The following RBM19 variants were observed in gnomAD, a reference collection of about 807,000 sequenced individuals.
RBM19 encodes the protein probable RNA-binding protein 19.
A neutral mutation model predicts 116.8 loss-of-function variants in RBM19; 94 were observed. That is an observed-to-expected ratio of 0.80 (90% CI 0.68 to 0.95). The LOEUF (loss-of-function observed/expected upper bound fraction) is 0.95, where lower values mean the gene tolerates loss of function less well. Ranked by LOEUF, RBM19 falls within the 40% of genes least tolerant of loss-of-function variation. The pLI is 0.00. For missense variants in RBM19, 1,161 were observed against 1,220.7 expected (o/e 0.95, Z 0.73); for synonymous variants, 475 against 494.1 (o/e 0.96, Z 0.51).
intron 21 of RBM19, among the ~76,000 whole-genome samples, chr12:113,899,587 C>T (rs978295662): frequency 3.3e-5 from 5 of 152,164 alleles, no homozygotes; most frequent in Non-Finnish European, 4.4e-5. Flanking sequence ...CGGTTCCTTC[C>T]CTTTCTGGAG....
intron 14 of RBM19, 100 bp from the exon 15 acceptor site, chr12:113,940,260 T>C: frequency 7.9e-7 from 1 of 1,263,272 alleles, no homozygotes; most frequent in Non-Finnish European, 1.1e-6. Flanking sequence ...AGGCTCTCCA[T>C]TTGGAACCTC....
At chr12:113,893,564 A>G (rs1378423939) in intron 21 of RBM19, among the ~76,000 whole-genome samples, 7 of 152,194 alleles carry the variant, frequency 4.6e-5, no homozygotes, top group Admixed American at 3.9e-4. Context: ...ACTGCTGAAC[A>G]CTGGTAGTGT....
At chr12:113,859,872 G>A (rs1425978360) in intron 21 of RBM19, among the ~76,000 whole-genome samples, 1 of 152,162 alleles carries the variant, frequency 6.6e-6, no homozygotes, top group East Asian at 1.9e-4. Context: ...GATGGTCTAG[G>A]ATGCTTCGGG....
intron 21 of RBM19, among the ~76,000 whole-genome samples, chr12:113,888,624 G>A (rs140620930): frequency 6.6e-6 from 1 of 152,200 alleles, no homozygotes; most frequent in African/African-American, 2.4e-5. Flanking sequence ...CAACAGATGA[G>A]GAAACTGAGG....
At chr12:113,836,806 C>T (rs1339798469) in intron 23 of RBM19, among the ~76,000 whole-genome samples, 1 of 149,204 alleles carries the variant, frequency 6.7e-6, no homozygotes. Context: ...CATACCTGTC[C>T]TCCTACTTAC....
chr12:113,900,591 G>A (rs925268237), intron 21 of RBM19, among the ~76,000 whole-genome samples: 3 of 152,156 alleles, frequency 2.0e-5, no homozygotes, highest in Non-Finnish European at 4.4e-5. Context: ...CAGGGCCCAG[G>A]CCAGAATTCA....
chr12:113,918,570 G>T, intron 19 of RBM19, 123 bp from the exon 20 acceptor site: 1 of 974,354 alleles, frequency 1.0e-6, no homozygotes, highest in South Asian at 1.5e-5. Context: ...CGGGGAGTGG[G>T]GCTAGCTGGT....
rs1298240572 is a variant in RBM19, at chr12:113,960,189, AAG to A, written c.220-13_220-12del. ...CTTGCAGAACTCCACCTGTGTGGGAAAGAGAGTGATTTTCACACCTGCCATGG... is the reference window on the plus strand; with the variant it reads ...CTTGCAGAACTCCACCTGTGTGGGAAAGAGTGATTTTCACACCTGCCATGG... On this transcript the variant is annotated splice_polypyrimidine_tract_variant and intron_variant, in intron 2 of 23. Transcript: ENST00000261741. The A allele has an allele frequency of 3.7e-6, 6 of 1,612,734 alleles. No homozygotes were observed. The African/African-American group carries it at 8.0e-5, about 22-fold the overall frequency.
Position 113,946,476 on chromosome 12 carries a change from C to T in RBM19, c.1408-1G>A. 1 of 1,614,138 alleles carries T rather than the reference C, an allele frequency of 6.2e-7. No homozygotes were observed. The highest frequency in any genetic ancestry group is 8.5e-7 in the Non-Finnish European group (1 of 1,180,002). ...ATGGTAACACGTGGAGCATCCTGCC[C>T]TGGATGGGAATGACGGGAAGGGAGT... On this transcript the variant is annotated splice_acceptor_variant, in intron 11 of 23. Coordinates refer to ENST00000261741, the MANE Select transcript of RBM19 (RefSeq NM_016196.4). LOFTEE classifies it high-confidence loss of function.
intron 16 of RBM19, among the ~76,000 whole-genome samples, chr12:113,928,914 T>TC (rs1869364467): frequency 1.3e-5 from 2 of 151,956 alleles, no homozygotes; most frequent in Non-Finnish European, 2.9e-5. Flanking sequence ...TATTCCCATA[T>TC]CCCCCAGGAA....
chr12:113,890,669 C>T (rs1565999447), intron 21 of RBM19, among the ~76,000 whole-genome samples: 1 of 152,244 alleles, frequency 6.6e-6, no homozygotes, highest in Non-Finnish European at 1.5e-5. Context: ...GAAGTGCTGG[C>T]TTCTCCCCAT....
intron 7 of RBM19, among the ~76,000 whole-genome samples, 180 bp downstream of exon 7, chr12:113,954,951 C>T (rs917344646): frequency 6.6e-6 from 1 of 152,244 alleles, no homozygotes. Flanking sequence ...TGTAGCCATG[C>T]CTGTTTCCTG....
chr12:113,914,219 G>A (rs1004910763), intron 21 of RBM19, among the ~76,000 whole-genome samples: 1 of 152,228 alleles, frequency 6.6e-6, no homozygotes, highest in African/African-American at 2.4e-5. Context: ...CTGGTCTTAC[G>A]AAGCCTGAGT....
chr12:113,959,971 G>C, intron 3 of RBM19, 68 bp from the exon 4 acceptor site: 20 of 1,613,250 alleles, frequency 1.2e-5, no homozygotes, highest in Non-Finnish European at 1.7e-5. Context: ...GAACTGCACT[G>C]ACCTGGGAGG....
intron 23 of RBM19, among the ~76,000 whole-genome samples, chr12:113,834,359 G>A (rs1330708826): frequency 6.6e-6 from 1 of 152,212 alleles, no homozygotes; most frequent in African/African-American, 2.4e-5. Flanking sequence ...GCAGTTATGA[G>A]GCCTCTAGAG....
intron 21 of RBM19, among the ~76,000 whole-genome samples, chr12:113,885,212 C>T (rs983171873): frequency 6.6e-6 from 1 of 152,214 alleles, no homozygotes; most frequent in Non-Finnish European, 1.5e-5. Flanking sequence ...GCTGAAACTA[C>T]TTTAACCAAA....
At chr12:113,933,933 C>T (rs1355393779) in intron 16 of RBM19, among the ~76,000 whole-genome samples, 2 of 152,106 alleles carry the variant, frequency 1.3e-5, no homozygotes, top group Non-Finnish European at 2.9e-5. Flanking sequence ...AAAGACTATC[C>T]ACTGTGCCAT....
intron 21 of RBM19, among the ~76,000 whole-genome samples, chr12:113,871,201 C>T (rs891124076): frequency 6.6e-6 from 1 of 152,270 alleles, no homozygotes; most frequent in East Asian, 1.9e-4. Flanking sequence ...AAAAGAGCCC[C>T]TGGCAAACAA....
At chr12:113,940,961 T>C (rs559567330) in intron 14 of RBM19, among the ~76,000 whole-genome samples, 4 of 152,290 alleles carry the variant, frequency 2.6e-5, no homozygotes, top group African/African-American at 9.6e-5. Flanking sequence ...ACATGTAATA[T>C]GAGCACTCTG....
Sources: gnomAD v4.1 joint callset for allele counts (sites outside exome capture counted in the v4.1 genomes callset) on GRCh38, gnomAD v4.1.1 for gene constraint, MANE v1.5 for transcripts, NCBI Gene and HGNC (gene_info 2026-07-23, HGNC 2026-07-21) for gene names.